CYSLTR2: variants seen among roughly 807,000 people sequenced by gnomAD.
CYSLTR2 encodes G-protein coupled receptor GPCR21.
For missense variants in CYSLTR2, 398 were observed against 411.9 expected, an observed-to-expected ratio of 0.97 and a Z score of 0.29; for synonymous variants, 179 against 160.8, an observed-to-expected ratio of 1.11 and a Z score of -0.86.
chr13:48,667,207 G>T (rs956446388), intron 1 of CYSLTR2, among the ~76,000 whole-genome samples: 1 of 152,188 alleles, frequency 6.6e-6, no homozygotes, highest in Non-Finnish European at 1.5e-5. Context: ...AGTGGCCTAG[G>T]CTGTAAGAAT....
At chr13:48,676,946 G>T (rs1182976166) in intron 1 of CYSLTR2, among the ~76,000 whole-genome samples, 2 of 152,184 alleles carry the variant, frequency 1.3e-5, no homozygotes, top group African/African-American at 4.8e-5. Flanking sequence ...GGAGGCAGAG[G>T]CAAAGAAACA....
At chr13:48,665,269 G>T (rs1953232678) in intron 1 of CYSLTR2, among the ~76,000 whole-genome samples, 1 of 152,024 alleles carries the variant, frequency 6.6e-6, no homozygotes, top group Non-Finnish European at 1.5e-5. Flanking sequence ...ACACGCTGAT[G>T]AAAAATAAAT....
chr13:48,657,014 G>A (rs563257995), intron 1 of CYSLTR2, among the ~76,000 whole-genome samples: 27 of 152,300 alleles, frequency 1.8e-4, no homozygotes, highest in African/African-American at 6.3e-4. Flanking sequence ...TGTACAGTAT[G>A]TTCTATTGGA....
In CYSLTR2 at chr13:48,676,527, G is replaced by A. The variant is rs77060841; in HGVS notation, c.-265-14685G>A. ...ATTGTACATATAGAGTAGGGACAAA[G>A]TATAAGAAATATGATATAAAAACAA... On this transcript the variant is annotated intron_variant, in intron 1 of 4. Coordinates refer to ENST00000682523, the MANE Select transcript of CYSLTR2 (RefSeq NM_001308476.3). 2.3e-3 allele frequency among the ~76,000 whole-genome samples: 349 copies of A among 152,326 alleles called. 1 individual carries two copies. Among genetic ancestry groups the A allele is most frequent in the African/African-American group, 7.8e-3 (326 of 41,568 alleles).
At chr13:48,664,089 C>G (rs1234565552) in intron 1 of CYSLTR2, among the ~76,000 whole-genome samples, 1 of 151,854 alleles carries the variant, frequency 6.6e-6, no homozygotes, top group East Asian at 1.9e-4. Flanking sequence ...GATCATATGG[C>G]TTTTGTCTTT....
chr13:48,680,644 G>A (rs767475437), intron 1 of CYSLTR2, among the ~76,000 whole-genome samples: 4 of 152,182 alleles, frequency 2.6e-5, no homozygotes, highest in East Asian at 1.9e-4. Flanking sequence ...CATTAAGGCC[G>A]TGGAAATTAT....
chr13:48,679,324 C>T (rs1036102381), intron 1 of CYSLTR2, among the ~76,000 whole-genome samples: 3 of 152,170 alleles, frequency 2.0e-5, no homozygotes, highest in Non-Finnish European at 4.4e-5. Flanking sequence ...GTGGGCCCTT[C>T]TTCCTCATAG....
intron 4 of CYSLTR2, among the ~76,000 whole-genome samples, chr13:48,702,401 AG>A (rs1278283420): frequency 6.6e-6 from 1 of 152,204 alleles, no homozygotes; most frequent in Non-Finnish European, 1.5e-5. Flanking sequence ...TAGAACTTAA[AG>A]TAAAATAATA....
At chr13:48,690,236 C>T (rs543497354) in intron 1 of CYSLTR2, among the ~76,000 whole-genome samples, 135 of 152,230 alleles carry the variant, frequency 8.9e-4, no homozygotes, top group African/African-American at 3.1e-3. Flanking sequence ...TATTTGGATA[C>T]CCTTTATTTC....
intron 1 of CYSLTR2, among the ~76,000 whole-genome samples, chr13:48,682,087 C>G (rs895815169): frequency 1.3e-5 from 2 of 152,136 alleles, no homozygotes; most frequent in African/African-American, 4.8e-5. Context: ...CCTTAGTTCT[C>G]ATGCCTTGTC....
intron 1 of CYSLTR2, among the ~76,000 whole-genome samples, chr13:48,669,544 C>T (rs149254855): frequency 1.6e-3 from 244 of 152,090 alleles, no homozygotes; most frequent in East Asian, 3.3e-3. Context: ...TTTTCTGTTC[C>T]TGTGTTAGTC....
intron 1 of CYSLTR2, among the ~76,000 whole-genome samples, chr13:48,681,657 T>C (rs977832568): frequency 1.3e-5 from 2 of 152,146 alleles, no homozygotes; most frequent in South Asian, 4.1e-4. Flanking sequence ...CCGGATTTCA[T>C]GCCCTACCTT....
chr13:48,689,537 C>G (rs1182219711), intron 1 of CYSLTR2, among the ~76,000 whole-genome samples: 1 of 152,016 alleles, frequency 6.6e-6, no homozygotes, highest in Non-Finnish European at 1.5e-5. Context: ...TTGTTTTTGT[C>G]AAGTTGTCAA....
rs1388262510 is a variant in CYSLTR2, at chr13:48,709,434, G to C, written c.*1576G>C. 1.2e-5 allele frequency: 2 copies of C among 165,938 alleles called. No homozygotes were observed. Among genetic ancestry groups the C allele is most frequent in the Non-Finnish European group, 2.9e-5 (2 of 68,100 alleles). The allele number at this position is 165,938 out of a possible 1,614,324, so 10.3% of individuals were successfully genotyped here. ...GACAGACTCAAACCCTGTCAAGACA[G>C]GACCCTGGAGGATCCTCCTATGGGG... On this transcript the variant is annotated 3_prime_UTR_variant, in exon 5 of 5. Coordinates refer to ENST00000682523, the MANE Select transcript of CYSLTR2 (RefSeq NM_001308476.3).
Position 48,706,904 on chromosome 13 carries a change from G to C in CYSLTR2, c.87G>C (p.Arg29Ser). 6.2e-7 allele frequency: 1 copy of C among 1,614,124 alleles called. No homozygotes were observed. Among genetic ancestry groups the C allele is most frequent in the East Asian group, 2.2e-5 (1 of 44,884 alleles). The change falls in exon 5 of 5, where the codon AGG (arginine) becomes AGC (serine). Residue 29 changes from arginine to serine, a missense_variant. Coordinates refer to ENST00000682523, the MANE Select transcript of CYSLTR2 (RefSeq NM_001308476.3). ...GCACCTTCAGCAATAACAACAGCAG[G>C]AACTGCACAATTGAAAACTTCAAGA... The part of the protein sequence containing the change: ...PNGTFSNNNS[R>S]NCTIENFKRE...
intron 1 of CYSLTR2, among the ~76,000 whole-genome samples, chr13:48,682,752 G>T (rs1420975120): frequency 6.6e-6 from 1 of 152,074 alleles, no homozygotes; most frequent in Non-Finnish European, 1.5e-5. Flanking sequence ...GTAGATTCAG[G>T]GGTACATGTG....
At chr13:48,695,095 G>C (rs1316092052) in intron 3 of CYSLTR2, among the ~76,000 whole-genome samples, 2 of 6,340 alleles carry the variant, frequency 3.2e-4, no homozygotes, top group African/African-American at 9.0e-4. Context: ...TTTTTTTTTT[G>C]TCAGAGTCTC....
rs919683581 is a variant in CYSLTR2, at chr13:48,659,560, T to C, written c.-266+5543T>C. Among the ~76,000 whole-genome samples, 4 of 152,330 alleles carry C rather than the reference T, an allele frequency of 2.6e-5. No homozygotes were observed. In the East Asian group the frequency reaches 7.7e-4, roughly 29 times the overall value. The stretch of plus-strand genomic sequence containing the variant: ...AAATGCTGTCTAGGGGAAATGAGAA[T>C]GAGAGGGAGTTTTAATTTGAATAAA... On this transcript the variant is annotated intron_variant, in intron 1 of 4. Coordinates refer to ENST00000682523, the MANE Select transcript of CYSLTR2 (RefSeq NM_001308476.3).
chr13:48,669,205 A>G (rs879791789), intron 1 of CYSLTR2, among the ~76,000 whole-genome samples: 2 of 152,084 alleles, frequency 1.3e-5, no homozygotes, highest in South Asian at 2.1e-4. Context: ...ACAATGGTTA[A>G]ACTAATTTTC....
Sources: allele counts gnomAD v4.1 joint callset (sites outside exome capture counted in the v4.1 genomes callset), GRCh38; gene constraint gnomAD v4.1.1; transcripts MANE v1.5; gene names NCBI Gene and HGNC (gene_info 2026-07-23, HGNC 2026-07-21).